UBE2N: variants seen among roughly 807,000 people sequenced by gnomAD.
The protein encoded by UBE2N is ubiquitin conjugating enzyme E2 N.
For missense variants in UBE2N, 60 were observed against 192.1 expected (o/e 0.31, Z 4.07); for synonymous variants, 70 against 69.2 (o/e 1.01, Z -0.06).
At chr12:93,437,468 G>C (rs1275688149) in intron 1 of UBE2N, among the ~76,000 whole-genome samples, 1 of 152,132 alleles carries the variant, frequency 6.6e-6, no homozygotes, top group East Asian at 1.9e-4. Flanking sequence ...ATAGCAGAAA[G>C]TTGCTCTGGT....
At chr12:93,438,052 C>T (rs561765577) in intron 1 of UBE2N, among the ~76,000 whole-genome samples, 2 of 152,318 alleles carry the variant, frequency 1.3e-5, no homozygotes, top group East Asian at 3.9e-4. Flanking sequence ...TTGGTTCAGA[C>T]AGAATATACC....
intron 1 of UBE2N, among the ~76,000 whole-genome samples, chr12:93,416,495 T>A (rs1254555668): frequency 1.3e-5 from 2 of 151,732 alleles, no homozygotes; most frequent in African/African-American, 4.8e-5. Flanking sequence ...TTGCCCAGGC[T>A]GCAGTGCAGT....
chr12:93,428,070 C>T (rs567702621), intron 1 of UBE2N, among the ~76,000 whole-genome samples: 1 of 152,178 alleles, frequency 6.6e-6, no homozygotes, highest in Non-Finnish European at 1.5e-5. Context: ...AGACATGTGC[C>T]ACCACACCTG....
chr12:93,417,458 C>T (rs1393385772), intron 1 of UBE2N, among the ~76,000 whole-genome samples: 1 of 152,124 alleles, frequency 6.6e-6, no homozygotes, highest in Non-Finnish European at 1.5e-5. Context: ...GGAGTATGTA[C>T]AGTAAAATTT....
At chr12:93,431,358 C>T (rs1356497580) in intron 1 of UBE2N, among the ~76,000 whole-genome samples, 2 of 152,202 alleles carry the variant, frequency 1.3e-5, no homozygotes, top group South Asian at 4.1e-4. Context: ...AATACATGCA[C>T]TGCCAGTTAT....
At chr12:93,418,198 CA>C (rs1229478626) in intron 1 of UBE2N, among the ~76,000 whole-genome samples, 1 of 151,852 alleles carries the variant, frequency 6.6e-6, no homozygotes, top group Non-Finnish European at 1.5e-5. Context: ...CTCTGCAAAC[CA>C]AAAAACTAAA....
chr12:93,441,442 G>A (rs1177023636), intron 1 of UBE2N, among the ~76,000 whole-genome samples: 1 of 152,158 alleles, frequency 6.6e-6, no homozygotes, highest in Non-Finnish European at 1.5e-5. Flanking sequence ...GAGGGACCTT[G>A]TCGGGCCACA....
intron 1 of UBE2N, among the ~76,000 whole-genome samples, chr12:93,427,821 G>A (rs112634796): frequency 8.5e-5 from 13 of 152,320 alleles, no homozygotes; most frequent in African/African-American, 2.4e-4. Flanking sequence ...GAATCTTACC[G>A]ATGAATTAGA....
intron 1 of UBE2N, among the ~76,000 whole-genome samples, chr12:93,437,354 G>A (rs1471245456): frequency 6.6e-6 from 1 of 150,450 alleles, no homozygotes; most frequent in Non-Finnish European, 1.5e-5. Context: ...GCAGCAGTCT[G>A]TCTCTTAAAA....
intron 1 of UBE2N, among the ~76,000 whole-genome samples, chr12:93,427,820 C>G (rs913112303): frequency 6.6e-6 from 1 of 151,908 alleles, no homozygotes; most frequent in Admixed American, 6.6e-5. Context: ...GGAATCTTAC[C>G]GATGAATTAG....
At chr12:93,436,457 G>A (rs886280048) in intron 1 of UBE2N, among the ~76,000 whole-genome samples, 3 of 152,192 alleles carry the variant, frequency 2.0e-5, no homozygotes, top group Non-Finnish European at 2.9e-5. Flanking sequence ...CTGTATCAAC[G>A]TAACATGTAA....
chr12:93,434,429 A>C (rs7953247), intron 1 of UBE2N, among the ~76,000 whole-genome samples: 12,470 of 152,294 alleles, frequency 0.082, 1,618 homozygotes, highest in African/African-American at 0.28. Context: ...TAATTTGACA[A>C]AACTTAATTT....
In UBE2N at chr12:93,441,875, G is replaced by A; in HGVS notation, c.10C>T (p.Leu4=). The change falls in exon 1 of 4, where the codon CTG becomes TTG. Residue 4 remains leucine, a synonymous_variant. Coordinates refer to ENST00000318066, the MANE Select transcript of UBE2N (RefSeq NM_003348.4). ...GTTACCTTGATGATCCTGCGGGGCA[G>A]CCCGGCCATCTTGTCAGAACCCGAG... MAG[L]PRRIIKETQR... is the part of the protein sequence containing the mutation. 1.9e-6 allele frequency: 3 copies of A among 1,578,224 alleles called. No homozygotes were observed. Among genetic ancestry groups the A allele is most frequent in the South Asian group, 1.1e-5 (1 of 87,454 alleles).
intron 1 of UBE2N, among the ~76,000 whole-genome samples, chr12:93,412,311 G>A (rs1203367439): frequency 6.6e-6 from 1 of 152,038 alleles, no homozygotes; most frequent in Non-Finnish European, 1.5e-5. Context: ...TTCATGACAA[G>A]TTAGATACTT....
intron 1 of UBE2N, among the ~76,000 whole-genome samples, chr12:93,411,893 T>C (rs747002728): frequency 2.0e-5 from 3 of 152,150 alleles, no homozygotes; most frequent in Non-Finnish European, 4.4e-5. Context: ...GGTATCACCC[T>C]GTTGGCCAGG....
chr12:93,424,653 G>A (rs1197224528), intron 1 of UBE2N, among the ~76,000 whole-genome samples: 1 of 152,178 alleles, frequency 6.6e-6, no homozygotes, highest in Non-Finnish European at 1.5e-5. Context: ...AGGACCATTC[G>A]TATGACAGTC....
Position 93,419,719 on chromosome 12 carries a change from A to C in UBE2N, c.31-8420T>G, listed in dbSNP as rs558036337. Among the ~76,000 whole-genome samples, 11 of 152,334 alleles carry C rather than the reference A, an allele frequency of 7.2e-5. 1 individual carries two copies. The South Asian group carries it at 2.3e-3, about 32-fold the overall frequency. ...TGTACCCAAGTTTGCTAAGCTTTTT[A>C]AACTTACATTATATGATCACTCCTT... On this transcript the variant is annotated intron_variant, in intron 1 of 3. Coordinates refer to ENST00000318066, the MANE Select transcript of UBE2N (RefSeq NM_003348.4).
intron 1 of UBE2N, among the ~76,000 whole-genome samples, chr12:93,422,559 A>G (rs1878449527): frequency 1.3e-5 from 2 of 152,208 alleles, no homozygotes; most frequent in Admixed American, 6.5e-5. Context: ...TAGGTGAGGT[A>G]GGAAATGTTC....
At position 93,433,193 on chromosome 12, in the gene UBE2N, A is replaced by G. The variant is rs1878822740; in HGVS notation, c.30+8662T>C. Among the ~76,000 whole-genome samples the G allele has an allele frequency of 1.3e-5, 2 of 152,144 alleles. 1 individual carries two copies. Among genetic ancestry groups the G allele is most frequent in the South Asian group, 4.1e-4 (2 of 4,826 alleles). ...TGTGATCCTCCTGCCTCGGCCTCCC[A>G]AAGTGCTGGGATTACAGGCGTGAGC... On this transcript the variant is annotated intron_variant, in intron 1 of 3. Transcript: ENST00000318066.
Sources: gnomAD v4.1 joint callset for allele counts (sites outside exome capture counted in the v4.1 genomes callset) on GRCh38, gnomAD v4.1.1 for gene constraint, MANE v1.5 for transcripts, NCBI Gene and HGNC (gene_info 2026-07-23, HGNC 2026-07-21) for gene names.